The following CDH20 variants were observed in gnomAD, a reference collection of about 807,000 sequenced individuals.
CDH20 encodes cadherin 20.
CDH20 carries 29 observed loss-of-function variants against 74.2 expected under a neutral mutation model. The observed-to-expected ratio is 0.39, with a 90% CI of 0.29 to 0.53. The LOEUF is 0.53. Among genes scored for constraint, CDH20 ranks in the 20% least tolerant of loss-of-function variants. The pLI, the probability that CDH20 is intolerant of heterozygous loss-of-function variation, is 0.69. For missense variants in CDH20, 988 were observed against 1,048.3 expected (o/e 0.94, Z 0.79); for synonymous variants, 469 against 405.4 (o/e 1.16, Z -1.88).
chr18:61,362,894 T>A (rs902424971), intron 1 of CDH20, among the ~76,000 whole-genome samples: 1 of 152,152 alleles, frequency 6.6e-6, no homozygotes, highest in East Asian at 1.9e-4. Flanking sequence ...AAAAATGTCA[T>A]CACTTTTGGC....
At chr18:61,345,159 T>TTGCTTTC (rs1189901256) in intron 1 of CDH20, among the ~76,000 whole-genome samples, 3 of 152,224 alleles carry the variant, frequency 2.0e-5, no homozygotes, top group Non-Finnish European at 4.4e-5. Flanking sequence ...AGCAAAAGAT[T>TTGCTTTC]TAAAACACTG....
chr18:61,334,107 T>C lies in CDH20; in HGVS notation c.-153+280T>C, dbSNP rs906121560. 2.6e-5 allele frequency among the ~76,000 whole-genome samples: 4 copies of C among 152,008 alleles called. No individual in the cohort carries two copies. In the East Asian group the frequency reaches 7.9e-4, roughly 30 times the overall value. On this transcript the variant is annotated intron_variant, in intron 1 of 11. Coordinates refer to ENST00000262717, the MANE Select transcript of CDH20 (RefSeq NM_031891.4). Reference sequence around the variant, plus strand: ...GGCGCACCGGGGCAGGTGGAGGACGTGGCGCGCTGGGAGCGGGGACTGCGC... The same window carrying C: ...GGCGCACCGGGGCAGGTGGAGGACGCGGCGCGCTGGGAGCGGGGACTGCGC...
At chr18:61,453,683 G>A (rs1465387336) in intron 1 of CDH20, among the ~76,000 whole-genome samples, 1 of 152,176 alleles carries the variant, frequency 6.6e-6, no homozygotes, top group Non-Finnish European at 1.5e-5. Context: ...TTGTGGAGGT[G>A]CCCCAATGTG....
At chr18:61,345,044 T>C (rs1910069876) in intron 1 of CDH20, among the ~76,000 whole-genome samples, 1 of 152,224 alleles carries the variant, frequency 6.6e-6, no homozygotes, top group Non-Finnish European at 1.5e-5. Context: ...ATTCTGCCAG[T>C]GAACTCTGAT....
intron 1 of CDH20, among the ~76,000 whole-genome samples, chr18:61,462,924 T>C (rs185162827): frequency 6.6e-6 from 1 of 152,270 alleles, no homozygotes; most frequent in East Asian, 1.9e-4. Context: ...ATAAATAATT[T>C]AGCATGGCAA....
At chr18:61,336,840 T>C (rs1490570987) in intron 1 of CDH20, among the ~76,000 whole-genome samples, 1 of 147,974 alleles carries the variant, frequency 6.8e-6, no homozygotes, top group Admixed American at 6.8e-5. Context: ...TGAGAATAGG[T>C]CTTTTCACCC....
chr18:61,524,790 A>G (rs8087675), intron 6 of CDH20, among the ~76,000 whole-genome samples: 67 of 152,280 alleles, frequency 4.4e-4, no homozygotes, highest in African/African-American at 1.6e-3. Flanking sequence ...GCGTGGTGGC[A>G]CACACGTGTA....
Position 61,353,859 on chromosome 18 carries a change from A to G in CDH20, c.-153+20032A>G, listed in dbSNP as rs1438688358. The stretch of plus-strand genomic sequence containing the variant: ...CATTTTAGGAGGCCGGGGCGGTTGG[A>G]TTGCCTGAACTCTGTAGTTCATAAC... On this transcript the variant is annotated intron_variant, in intron 1 of 11. Transcript: ENST00000262717. The surrounding 1 kb of genome is among the most constrained non-coding windows in gnomAD (Gnocchi z 4.6). 6.6e-6 allele frequency among the ~76,000 whole-genome samples: 1 copy of G among 152,072 alleles called. No individual in the cohort carries two copies. Among genetic ancestry groups the G allele is most frequent in the Non-Finnish European group, 1.5e-5 (1 of 68,016 alleles).
chr18:61,538,152 A>T (rs1327157483), intron 8 of CDH20, among the ~76,000 whole-genome samples: 1 of 152,242 alleles, frequency 6.6e-6, no homozygotes, highest in Non-Finnish European at 1.5e-5. Context: ...GCAGAAATAA[A>T]TGTGCAGTGT....
At chr18:61,517,160 A>G (rs1912028855) in intron 6 of CDH20, among the ~76,000 whole-genome samples, 1 of 152,214 alleles carries the variant, frequency 6.6e-6, no homozygotes, top group Admixed American at 6.5e-5. Flanking sequence ...CTAAAAGGAA[A>G]CTTAGGAGAA....
chr18:61,358,650 C>T (rs748200547), intron 1 of CDH20, among the ~76,000 whole-genome samples: 1 of 152,164 alleles, frequency 6.6e-6, no homozygotes, highest in Non-Finnish European at 1.5e-5. Context: ...CTGTCCTGAA[C>T]TGTTGACCCT....
At chr18:61,336,824 G>GC (rs1283454298) in intron 1 of CDH20, among the ~76,000 whole-genome samples, 2 of 150,470 alleles carry the variant, frequency 1.3e-5, no homozygotes, top group South Asian at 2.1e-4. Context: ...ATATGGGGGG[G>GC]GGTGATGAGA....
At chr18:61,538,596 GTTT>G (rs533711893) in intron 8 of CDH20, among the ~76,000 whole-genome samples, 2,941 of 24,522 alleles carry the variant, frequency 0.12, 487 homozygotes, top group African/African-American at 0.27. Flanking sequence ...TTGTTTGTTT[GTTT>G]TTGTTTTTGT....
At chr18:61,520,315 C>CAAAAAAAAAAAAA (rs58685164) in intron 6 of CDH20, among the ~76,000 whole-genome samples, 7 of 122,052 alleles carry the variant, frequency 5.7e-5, no homozygotes, top group African/African-American at 6.3e-5. Context: ...GACTCCGTCT[C>CAAAAAAAAAAAAA]AAAAAAAAAA....
At chr18:61,346,082 C>T (rs1004918797) in intron 1 of CDH20, among the ~76,000 whole-genome samples, 1 of 152,288 alleles carries the variant, frequency 6.6e-6, no homozygotes, top group Admixed American at 6.5e-5. Context: ...GAAAGCGTAG[C>T]TGACCTCAGG....
At chr18:61,393,168 G>A (rs924333054) in intron 1 of CDH20, among the ~76,000 whole-genome samples, 3 of 152,208 alleles carry the variant, frequency 2.0e-5, no homozygotes, top group Admixed American at 6.5e-5. Flanking sequence ...TCCTAAGATA[G>A]TCTCACTTTC....
rs765931075 is a variant in CDH20, at chr18:61,550,130, G to A, written c.1801G>A (p.Gly601Ser). Residue 601 changes from glycine to serine, a missense_variant, in exon 11 of 12, where the codon GGC becomes AGC. Coordinates refer to ENST00000262717, the MANE Select transcript of CDH20 (RefSeq NM_031891.4). ...TIQVCSCDDD[G>S]HVMSCSPEAY... Reference sequence around the variant, plus strand: ...CCAAGTGTGCAGCTGTGATGACGACGGCCACGTCATGTCCTGCAGCCCAGA... The same window carrying A: ...CCAAGTGTGCAGCTGTGATGACGACAGCCACGTCATGTCCTGCAGCCCAGA... 30 of 1,614,082 alleles carry A rather than the reference G, an allele frequency of 1.9e-5. No homozygotes were observed. The highest frequency in any genetic ancestry group is 8.9e-5 in the East Asian group (4 of 44,900).
chr18:61,400,781 T>C (rs1188012640), intron 1 of CDH20, among the ~76,000 whole-genome samples: 6 of 152,236 alleles, frequency 3.9e-5, no homozygotes, highest in Non-Finnish European at 7.3e-5. Flanking sequence ...TCTTGGACCA[T>C]ATAATAAAGG....
At chr18:61,517,812 A>C (rs1419041085) in intron 6 of CDH20, among the ~76,000 whole-genome samples, 2 of 152,110 alleles carry the variant, frequency 1.3e-5, no homozygotes, top group African/African-American at 4.8e-5. Flanking sequence ...CAGGGAGCCA[A>C]GTGGTCTAGC....
Sources: gnomAD v4.1 joint callset for allele counts (sites outside exome capture counted in the v4.1 genomes callset) on GRCh38, gnomAD v4.1.1 for gene constraint, Gnocchi (gnomAD v3.1) non-coding constraint, MANE v1.5 for transcripts, NCBI Gene and HGNC (gene_info 2026-07-23, HGNC 2026-07-21) for gene names.